Variants in HERC2 observed in about 807,000 individuals in gnomAD.
HERC2 encodes E3 ubiquitin-protein ligase HERC2.
HERC2 carries 102 observed loss-of-function variants against 537.7 expected under a neutral mutation model. The observed-to-expected ratio is 0.19, with a 90% CI of 0.16 to 0.22. The LOEUF is 0.22. HERC2 is among the 10% of genes least tolerant of loss of function. The pLI is 1.00. For synonymous variants in HERC2, 2,224 were observed against 2,466.2 expected (o/e 0.90, Z 2.91); for missense variants, 4,236 against 6,198.2 (o/e 0.68, Z 10.63).
At position 28,268,394 on chromosome 15, in the gene HERC2, C is replaced by A; in HGVS notation, c.1598+71G>T. 7.0e-7 allele frequency: 1 copy of A among 1,433,730 alleles called. No homozygotes were observed. Among genetic ancestry groups the A allele is most frequent in the Non-Finnish European group, 9.6e-7 (1 of 1,037,120 alleles). The allele number at this position is 1,433,730 out of a possible 1,614,324, so 88.8% of individuals were successfully genotyped here. On this transcript the variant is annotated intron_variant, in intron 12 of 92. Transcript: ENST00000261609. The surrounding 1 kb of genome is among the most constrained non-coding windows in gnomAD (Gnocchi z 4.7). The stretch of plus-strand genomic sequence containing the variant: ...TGGAAAACACCTGGACACACTTCTG[C>A]GCTCCATCCTGTTTAGGATATGGCA...
intron 2 of HERC2, chr15:28,312,650 G>C: frequency 5.7e-6 from 1 of 175,134 alleles, no homozygotes; most frequent in South Asian, 1.8e-4. Context: ...ATAAAATAAA[G>C]AAAAAGAAAA....
At chr15:28,172,364 G>C (rs1432550720) in intron 65 of HERC2, among the ~76,000 whole-genome samples, 3 of 152,182 alleles carry the variant, frequency 2.0e-5, no homozygotes, top group African/African-American at 7.2e-5. Flanking sequence ...CTTGCAACCT[G>C]AGTTCAGGTC....
At chr15:28,269,208 C>A in intron 11 of HERC2, 40 bp downstream of exon 11, 1 of 1,563,956 alleles carries the variant, frequency 6.4e-7, no homozygotes, top group African/African-American at 1.3e-5. Flanking sequence ...GACCCTGCCC[C>A]GCAAGGGAAC....
rs2075750805 is a variant in HERC2 at position 28,272,220 on chromosome 15, T to C, written c.1078A>G (p.Met360Val). 1 of 1,596,776 alleles carries C rather than the reference T, an allele frequency of 6.3e-7. No homozygotes were observed. Among genetic ancestry groups the C allele is most frequent in the East Asian group, 2.2e-5 (1 of 44,724 alleles). ...RKDAPHSEGD[M>V]HLLSGPLSPN... is the part of the protein sequence containing the mutation. The stretch of plus-strand genomic sequence containing the variant: ...AGTTCCATCATGACACTCACGTGCA[T>C]GTCGCCCTCGGAGTGGGGTGCATCC... Residue 360 changes from methionine (M) to valine (V), a missense_variant, in exon 9 of 93, where the codon ATG becomes GTG. Transcript: ENST00000261609.
intron 59 of HERC2, among the ~76,000 whole-genome samples, chr15:28,178,404 T>C (rs1301157595): frequency 1.3e-5 from 2 of 152,172 alleles, no homozygotes; most frequent in African/African-American, 2.4e-5. Flanking sequence ...CTCTGGACTT[T>C]TACAAAGGAG....
intron 2 of HERC2, among the ~76,000 whole-genome samples, chr15:28,313,260 C>T (rs1411071290): frequency 6.7e-6 from 1 of 149,848 alleles, no homozygotes; most frequent in African/African-American, 2.4e-5. Context: ...GTGGCGCCAT[C>T]TTGGCTCCCC....
intron 83 of HERC2, among the ~76,000 whole-genome samples, chr15:28,126,557 G>T (rs1889508154): frequency 6.6e-6 from 1 of 152,172 alleles, no homozygotes; most frequent in African/African-American, 2.4e-5. Context: ...GCCATAAAAA[G>T]GAATGAAATG....
chr15:28,231,219 G>A (rs1046424648), intron 30 of HERC2, among the ~76,000 whole-genome samples: 1 of 152,172 alleles, frequency 6.6e-6, no homozygotes, highest in African/African-American at 2.4e-5. Flanking sequence ...GCAGTAAAGA[G>A]CTAACATAGC....
At chr15:28,201,320 G>T in intron 48 of HERC2, 136 bp downstream of exon 48, 1 of 652,912 alleles carries the variant, frequency 1.5e-6, no homozygotes, top group Non-Finnish European at 2.8e-6. Flanking sequence ...CACTGGTCAG[G>T]TATGTCTTCC....
Position 28,198,511 on chromosome 15 carries a change from T to C in HERC2, c.7886-8A>G. Reference sequence around the variant, plus strand: ...AACTTGGTGGAGGATAGCCTACAGATGTCAATAACAAATCATTATAATCAA... The same window carrying C: ...AACTTGGTGGAGGATAGCCTACAGACGTCAATAACAAATCATTATAATCAA... On this transcript the variant is annotated splice_region_variant and splice_polypyrimidine_tract_variant and intron_variant, in intron 49 of 92. Transcript: ENST00000261609. 1 of 1,613,146 alleles carries C rather than the reference T, an allele frequency of 6.2e-7. No homozygotes were observed. Among genetic ancestry groups the C allele is most frequent in the Non-Finnish European group, 8.5e-7 (1 of 1,179,822 alleles).
chr15:28,240,064 A>T (rs566614445), intron 23 of HERC2, among the ~76,000 whole-genome samples: 11 of 151,942 alleles, frequency 7.2e-5, no homozygotes, highest in Admixed American at 6.5e-4. Context: ...GTTTTTTTTT[A>T]AATCCTTATC....
At chr15:28,271,076 C>T (rs183560064) in intron 9 of HERC2, among the ~76,000 whole-genome samples, 2 of 152,248 alleles carry the variant, frequency 1.3e-5, no homozygotes, top group East Asian at 1.9e-4. Flanking sequence ...TACACGCATA[C>T]ACAACATTGA....
Position 28,113,620 on chromosome 15 carries a change from G to C in HERC2, c.13972C>G (p.Pro4658Ala). ...GTGAACAGAGAGAGGAGGGGAACAGGCACAACGCGGGCCATTCCTTCCCGA... is the reference window on the plus strand; with the variant it reads ...GTGAACAGAGAGAGGAGGGGAACAGCCACAACGCGGGCCATTCCTTCCCGA... ...AVREGMARVV[P>A]VPLLSLFTGY... Residue 4658 changes from proline (P) to alanine (A), a missense_variant, in exon 91 of 93, where the codon CCT (proline) becomes GCT (alanine). Coordinates refer to ENST00000261609, the MANE Select transcript of HERC2 (RefSeq NM_004667.6). The surrounding 1 kb of genome is among the most constrained non-coding windows in gnomAD (Gnocchi z 7.0). The C allele has an allele frequency of 6.2e-7, 1 of 1,614,172 alleles. No homozygotes were observed.
chr15:28,266,123 A>G (rs2075560900), intron 12 of HERC2, 149 bp from the exon 13 acceptor site: 2 of 835,288 alleles, frequency 2.4e-6, no homozygotes, highest in Non-Finnish European at 3.7e-6. Context: ...GAAGGAAGAG[A>G]GAATTCCAAC....
chr15:28,235,418 T>C (rs1434013241), intron 26 of HERC2, among the ~76,000 whole-genome samples: 1 of 151,990 alleles, frequency 6.6e-6, no homozygotes, highest in Non-Finnish European at 1.5e-5. Context: ...CAATGAGCCT[T>C]GAGGAGGAGG....
At chr15:28,216,085 C>G (rs1336796066) in intron 38 of HERC2, among the ~76,000 whole-genome samples, 1 of 152,006 alleles carries the variant, frequency 6.6e-6, no homozygotes, top group Non-Finnish European at 1.5e-5. Flanking sequence ...AAGTGATTCT[C>G]CTGCCTTGCC....
chr15:28,295,931 A>G (rs1431863152), intron 3 of HERC2, among the ~76,000 whole-genome samples: 4 of 152,066 alleles, frequency 2.6e-5, no homozygotes, highest in Admixed American at 2.6e-4. Flanking sequence ...AATATTTACT[A>G]TCTGGCCCTT....
Position 28,255,926 on chromosome 15 carries a change from C to A in HERC2, c.2817G>T (p.Met939Ile), listed in dbSNP as rs2075244849. Reference protein sequence around the residue: ...FMIDLLVGSLMADGGLESALH... With the variant: ...FMIDLLVGSLIADGGLESALH... ...AGGCTGACTCCAACCCTCCATCAGC[C>A]ATCAAGCTGCCCACCAGAAGATCAA... Residue 939 changes from methionine to isoleucine, a missense_variant, in exon 19 of 93, where the codon ATG becomes ATT. Physicochemically the swap from Met to Ile is conservative, Grantham distance 10. Transcript: ENST00000261609. 1 of 1,604,570 alleles carries A rather than the reference C, an allele frequency of 6.2e-7. No individual in the cohort carries two copies. Among genetic ancestry groups the A allele is most frequent in the Non-Finnish European group, 8.5e-7 (1 of 1,179,794 alleles).
At chr15:28,159,660 CT>C (rs1287093400) in intron 69 of HERC2, among the ~76,000 whole-genome samples, 1 of 152,160 alleles carries the variant, frequency 6.6e-6, no homozygotes, top group Admixed American at 6.5e-5. Flanking sequence ...TTTTTAACTT[CT>C]TTGCAATGGG....
Sources: gnomAD v4.1 joint callset for allele counts (sites outside exome capture counted in the v4.1 genomes callset) on GRCh38, gnomAD v4.1.1 for gene constraint, Gnocchi (gnomAD v3.1) non-coding constraint, MANE v1.5 for transcripts, NCBI Gene and HGNC (gene_info 2026-07-23, HGNC 2026-07-21) for gene names.